SELENOO: variants seen among roughly 807,000 people sequenced by gnomAD.
SELENOO encodes the protein selenoprotein O.
SELENOO carries 74 observed loss-of-function variants against 58.7 expected under a neutral mutation model. The observed-to-expected ratio is 1.26, with a 90% CI of 1.04 to 1.53. The LOEUF is 1.53. Ranked by LOEUF, SELENOO falls within the 40% of genes most tolerant of loss-of-function variation. SELENOO has a pLI of 0.00. For synonymous variants in SELENOO, 543 were observed against 453.2 expected, an observed-to-expected ratio of 1.20 and a Z score of -2.52; for missense variants, 1,149 against 970.0, an observed-to-expected ratio of 1.18 and a Z score of -2.45.
Position 50,201,705 on chromosome 22 carries a change from T to G in SELENOO, c.554+115T>G, listed in dbSNP as rs985408850. 4 of 757,344 alleles carry G rather than the reference T, an allele frequency of 5.3e-6. No individual in the cohort carries two copies. The Admixed American group carries it at 1.4e-4, about 26-fold the overall frequency. The allele number at this position is 757,344 out of a possible 1,614,324, so 46.9% of individuals were successfully genotyped here. The stretch of plus-strand genomic sequence containing the variant: ...GGCTACTGCCAAGTGGGGCCTCCCC[T>G]GCACCCGCGGGAGCGCGGTGCTGGC... On this transcript the variant is annotated intron_variant, in intron 1 of 8. Transcript: ENST00000380903.
chr22:50,215,204 C>A (rs1489111256), intron 5 of SELENOO, among the ~76,000 whole-genome samples: 1 of 152,202 alleles, frequency 6.6e-6, no homozygotes, highest in Non-Finnish European at 1.5e-5. Context: ...ACAGCAGCTT[C>A]TCAACACTCG....
intron 5 of SELENOO, 67 bp downstream of exon 5, chr22:50,210,978 T>C: frequency 1.9e-6 from 3 of 1,564,534 alleles, no homozygotes; most frequent in Non-Finnish European, 2.6e-6. Flanking sequence ...ATGGTTTACC[T>C]TCTGGCTTCC....
At chr22:50,206,263 G>A in intron 1 of SELENOO, 54 bp from the exon 2 acceptor site, 1 of 1,497,034 alleles carries the variant, frequency 6.7e-7, no homozygotes, top group East Asian at 2.3e-5. Context: ...CGGAATCCTG[G>A]TGTTGGGTGA....
intron 1 of SELENOO, among the ~76,000 whole-genome samples, chr22:50,203,212 A>G (rs531758642): frequency 4.3e-4 from 66 of 152,318 alleles, no homozygotes; most frequent in African/African-American, 1.6e-3. Context: ...TCTCTTCAAA[A>G]AAATATTTTT....
intron 1 of SELENOO, among the ~76,000 whole-genome samples, chr22:50,203,597 G>A (rs769162141): frequency 6.6e-6 from 1 of 152,210 alleles, no homozygotes; most frequent in Non-Finnish European, 1.5e-5. Context: ...TTTTCAACAA[G>A]TGTGCTGAGA....
rs754622955 is a variant in SELENOO at position 50,217,185 on chromosome 22, TC to T, written c.1846-19del. On this transcript the variant is annotated intron_variant, in intron 8 of 8. Coordinates refer to ENST00000380903, the MANE Select transcript of SELENOO (RefSeq NM_031454.2). ...GAGGGGGGTCGGCCCCAGACCCCTC[TC>T]ACCCTCCTGATCCTCCAGGTGCGGC... The T allele has an allele frequency of 6.2e-7, 1 of 1,611,652 alleles. No individual in the cohort carries two copies. The highest frequency in any genetic ancestry group is 8.5e-7 in the Non-Finnish European group (1 of 1,178,914).
At chr22:50,207,804 C>T (rs1471524365) in intron 2 of SELENOO, among the ~76,000 whole-genome samples, 2 of 124,144 alleles carry the variant, frequency 1.6e-5, no homozygotes, top group African/African-American at 2.9e-5. Flanking sequence ...TGCTGGTGAG[C>T]GCTCACAGAT....
intron 3 of SELENOO, 59 bp downstream of exon 3, chr22:50,208,775 T>C (rs1414003875): frequency 6.6e-7 from 1 of 1,510,106 alleles, no homozygotes; most frequent in Non-Finnish European, 9.1e-7. Flanking sequence ...CCCACCTGTG[T>C]TGAAGACACC....
chr22:50,201,574 C>T lies in SELENOO; in HGVS notation c.538C>T (p.Pro180Ser), dbSNP rs1202488369. ...GGAGCTGCAGCTCAAGGGCGCCGGG[C>T]CCACGCCCTTCTCCAGGTGGGCCGG... Reference protein sequence around the residue: ...RWELQLKGAGPTPFSRQADGR... With the variant: ...RWELQLKGAGSTPFSRQADGR... Residue 180 changes from proline (P) to serine (S), a missense_variant, in exon 1 of 9, where the codon CCC becomes TCC. By Grantham distance (74) the Pro-to-Ser change is moderately conservative (BLOSUM62 -1). Coordinates refer to ENST00000380903, the MANE Select transcript of SELENOO (RefSeq NM_031454.2). 7.5e-7 allele frequency: 1 copy of T among 1,337,510 alleles called. No homozygotes were observed. Among genetic ancestry groups the T allele is most frequent in the Admixed American group, 3.4e-5 (1 of 29,546 alleles). 82.9% of individuals were successfully genotyped at this position (1,337,510 alleles called of 1,614,324 possible).
At chr22:50,206,572 G>A in intron 2 of SELENOO, 52 bp downstream of exon 2, 1 of 1,494,102 alleles carries the variant, frequency 6.7e-7, no homozygotes, top group Non-Finnish European at 9.1e-7. Flanking sequence ...TAGAGTCCTA[G>A]GAGATTTGGG....
chr22:50,210,226 G>A lies in SELENOO; in HGVS notation c.985G>A (p.Gly329Ser). The change falls in exon 4 of 9, where the codon GGC (glycine) becomes AGC (serine). Residue 329 changes from glycine (G) to serine (S), a missense_variant. Gly to Ser is a moderately conservative substitution (Grantham distance 56). Coordinates refer to ENST00000380903, the MANE Select transcript of SELENOO (RefSeq NM_031454.2). ...ARMVAEWQCV[G>S]FCHGVLNTDN... ...GATGGTGGCCGAGTGGCAGTGTGTG[G>A]GCTTCTGCCACGGCGTGCTCAACAC... 6.2e-7 allele frequency: 1 copy of A among 1,613,430 alleles called. No individual in the cohort carries two copies. Among genetic ancestry groups the A allele is most frequent in the Non-Finnish European group, 8.5e-7 (1 of 1,179,972 alleles).
chr22:50,215,709 T>C lies in SELENOO; in HGVS notation c.1352-8T>C. The C allele has an allele frequency of 1.9e-6, 3 of 1,578,466 alleles. No homozygotes were observed. The highest frequency in any genetic ancestry group is 1.1e-5 in the South Asian group (1 of 89,556). On this transcript the variant is annotated splice_region_variant and splice_polypyrimidine_tract_variant and intron_variant, in intron 5 of 8. Coordinates refer to ENST00000380903, the MANE Select transcript of SELENOO (RefSeq NM_031454.2). ...TGCTTCCAGCTCCCTGAGCAGCCTG[T>C]GTTCCAGGTGCCGACTTCACAAACA... is the stretch of plus-strand genomic sequence containing the variant.
rs775770874 is a variant in SELENOO, at chr22:50,215,710, G to A, written c.1352-7G>A. The A allele has an allele frequency of 2.5e-6, 4 of 1,584,514 alleles. No individual in the cohort carries two copies. The highest frequency in any genetic ancestry group is 1.3e-5 in the African/African-American group (1 of 74,262). ...GCTTCCAGCTCCCTGAGCAGCCTGT[G>A]TTCCAGGTGCCGACTTCACAAACAC... is the stretch of plus-strand genomic sequence containing the variant. On this transcript the variant is annotated splice_region_variant and splice_polypyrimidine_tract_variant and intron_variant, in intron 5 of 8. Coordinates refer to ENST00000380903, the MANE Select transcript of SELENOO (RefSeq NM_031454.2).
chr22:50,215,973 G>A (rs2064406393), intron 6 of SELENOO, 106 bp downstream of exon 6: 2 of 1,018,100 alleles, frequency 2.0e-6, no homozygotes, highest in East Asian at 2.5e-5. Context: ...TGGGGCCCAG[G>A]TGGCTGCTCC....
rs918922149 is a variant in SELENOO, at chr22:50,201,070, C to T, written c.34C>T (p.Leu12Phe). The T allele has an allele frequency of 1.0e-5, 14 of 1,361,222 alleles. No individual in the cohort carries two copies. In the Admixed American group the frequency reaches 3.2e-4, roughly 31 times the overall value. 84.3% of individuals were successfully genotyped at this position (1,361,222 alleles called of 1,614,324 possible). A position where few individuals can be genotyped will look rare whatever the true frequency, so the allele number is the denominator to read the frequency against. Residue 12 changes from leucine to phenylalanine, a missense_variant, in exon 1 of 9, where the codon CTC becomes TTC. Transcript: ENST00000380903. ...AVYRAALGAS[L>F]AAARLLPLGR... ...ATACAGGGCAGCGCTCGGGGCTTCG[C>T]TCGCGGCTGCCCGACTCTTGCCCCT...
Position 50,206,386 on chromosome 22 carries a change from C to A in SELENOO, c.624C>A (p.His208Gln). 3.1e-6 allele frequency: 5 copies of A among 1,614,172 alleles called. No individual in the cohort carries two copies. Among genetic ancestry groups the A allele is most frequent in the Non-Finnish European group, 4.2e-6 (5 of 1,180,050 alleles). ...TTCTATGCAGCGAAGCCATGTTCCA[C>A]CTGGGAGTCCCCACCACACGGGCCG... ...REFLCSEAMF[H>Q]LGVPTTRAGA... The change falls in exon 2 of 9, where the codon CAC becomes CAA. Residue 208 changes from histidine to glutamine, a missense_variant. Physicochemically the swap from His to Gln is conservative, Grantham distance 24. Coordinates refer to ENST00000380903, the MANE Select transcript of SELENOO (RefSeq NM_031454.2).
chr22:50,216,830 C>T lies in SELENOO; in HGVS notation c.1642C>T (p.Gln548Ter), dbSNP rs1222421393. 1.9e-6 allele frequency: 3 copies of T among 1,608,778 alleles called. No individual in the cohort carries two copies. Among genetic ancestry groups the T allele is most frequent in the African/African-American group, 2.7e-5 (2 of 75,040 alleles). Residue 548 changes from glutamine to a stop codon, truncating the protein, a stop_gained, in exon 7 of 9, where the codon CAG (glutamine) becomes TAG (stop). Transcript: ENST00000380903. LOFTEE classifies it high-confidence loss of function. Reference protein sequence around the residue: ...RLEQLSAAELQSRNQGHWADW... With the variant: ...RLEQLSAAEL ...GGAGCAGCTGAGTGCGGCAGAGCTGCAGAGCAGGAACCAGGGCCACTGGGC... is the reference window on the plus strand; with the variant it reads ...GGAGCAGCTGAGTGCGGCAGAGCTGTAGAGCAGGAACCAGGGCCACTGGGC...
intron 5 of SELENOO, among the ~76,000 whole-genome samples, chr22:50,214,264 A>T (rs2064391081): frequency 6.6e-6 from 1 of 152,030 alleles, no homozygotes; most frequent in African/African-American, 2.4e-5. Flanking sequence ...GCCTCAGCCT[A>T]CCAAGTAGCT....
chr22:50,205,166 T>C (rs1277887252), intron 1 of SELENOO, among the ~76,000 whole-genome samples: 1 of 151,998 alleles, frequency 6.6e-6, no homozygotes, highest in East Asian at 1.9e-4. Context: ...AGTAGAGGAA[T>C]CGGGAGCCAG....
Sources: allele counts gnomAD v4.1 joint callset (sites outside exome capture counted in the v4.1 genomes callset), GRCh38; gene constraint gnomAD v4.1.1; transcripts MANE v1.5; gene names NCBI Gene and HGNC (gene_info 2026-07-23, HGNC 2026-07-21).